ZDHHC21: variants seen among roughly 807,000 people sequenced by gnomAD.
ZDHHC21 encodes the protein palmitoyltransferase ZDHHC21.
A neutral mutation model predicts 34.6 loss-of-function variants in ZDHHC21; 15 were observed. The observed-to-expected ratio is 0.43, with a 90% CI of 0.29 to 0.67. ZDHHC21 has a LOEUF of 0.67. Ranked by LOEUF, ZDHHC21 falls within the 30% of genes least tolerant of loss-of-function variation. The pLI is 0.14. For synonymous variants in ZDHHC21, 142 were observed against 101.8 expected (o/e 1.40, Z -2.38); for missense variants, 344 against 327.7 (o/e 1.05, Z -0.38).
intron 7 of ZDHHC21, among the ~76,000 whole-genome samples, chr9:14,643,233 G>A (rs375934954): frequency 7.2e-5 from 11 of 152,104 alleles, no homozygotes; most frequent in Admixed American, 4.6e-4. Flanking sequence ...GGGCAACAGA[G>A]TGAGACTCTG....
chr9:14,681,119 A>C (rs1232246263), intron 2 of ZDHHC21, among the ~76,000 whole-genome samples: 1 of 152,244 alleles, frequency 6.6e-6, no homozygotes, highest in Non-Finnish European at 1.5e-5. Flanking sequence ...AATAAATTTT[A>C]TAACATTACT....
At chr9:14,604,746 A>G in the ZDHHC21 span, among the ~76,000 whole-genome samples, 9 of 152,158 alleles carry the variant, frequency 5.9e-5, no homozygotes, top group African/African-American at 1.9e-4. Context: ...AAATTTTTAA[A>G]TATACAGTAC....
intron 6 of ZDHHC21, among the ~76,000 whole-genome samples, chr9:14,661,139 T>A (rs531644649): frequency 6.6e-6 from 1 of 152,202 alleles, no homozygotes; most frequent in Non-Finnish European, 1.5e-5. Context: ...TAGAAATTTT[T>A]AAAATTTTTA....
At chr9:14,646,361 A>G (rs1215362170) in intron 7 of ZDHHC21, among the ~76,000 whole-genome samples, 2 of 152,184 alleles carry the variant, frequency 1.3e-5, no homozygotes, top group African/African-American at 4.8e-5. Flanking sequence ...AAGGTACAAA[A>G]AGTTGTAACA....
intron 8 of ZDHHC21, among the ~76,000 whole-genome samples, chr9:14,636,674 A>G (rs943018812): frequency 3.3e-5 from 5 of 152,200 alleles, no homozygotes; most frequent in African/African-American, 1.2e-4. Context: ...AAGTCTCAAG[A>G]AACATGAAAA....
At chr9:14,656,883 C>G (rs1587197046) in intron 7 of ZDHHC21, among the ~76,000 whole-genome samples, 1 of 151,958 alleles carries the variant, frequency 6.6e-6, no homozygotes, top group East Asian at 1.9e-4. Flanking sequence ...TTAAAACCCA[C>G]TTTTTATACT....
At chr9:14,638,059 T>G (rs534868146) in intron 8 of ZDHHC21, among the ~76,000 whole-genome samples, 1 of 151,978 alleles carries the variant, frequency 6.6e-6, no homozygotes, top group East Asian at 1.9e-4. Flanking sequence ...AGGGCCCGAA[T>G]AGTCAAAAAA....
intron 8 of ZDHHC21, among the ~76,000 whole-genome samples, chr9:14,620,203 G>C (rs1044109209): frequency 6.6e-6 from 1 of 151,848 alleles, no homozygotes; most frequent in South Asian, 2.1e-4. Context: ...AAACTGACCA[G>C]AGTTCTTTCT....
chr9:14,644,642 A>T (rs1019366774), intron 7 of ZDHHC21, among the ~76,000 whole-genome samples: 1 of 152,026 alleles, frequency 6.6e-6, no homozygotes, highest in African/African-American at 2.4e-5. Flanking sequence ...GAGATGCTCT[A>T]TTTGAATTTT....
chr9:14,599,310 G>A, the ZDHHC21 span, among the ~76,000 whole-genome samples: 3 of 152,158 alleles, frequency 2.0e-5, no homozygotes, highest in Non-Finnish European at 4.4e-5. Context: ...GCCAAAGCAG[G>A]GTGGGGCATT....
chr9:14,602,402 C>T, the ZDHHC21 span, among the ~76,000 whole-genome samples: 72 of 151,898 alleles, frequency 4.7e-4, no homozygotes, highest in African/African-American at 1.5e-3. Flanking sequence ...GCCAAAGGCA[C>T]AGAAAACTTA....
intron 6 of ZDHHC21, among the ~76,000 whole-genome samples, chr9:14,659,135 G>C (rs928941582): frequency 6.6e-6 from 1 of 152,100 alleles, no homozygotes; most frequent in Non-Finnish European, 1.5e-5. Flanking sequence ...AACTCAGCGA[G>C]ACAGGAAGAG....
chr9:14,638,496 G>T (rs940826410), intron 8 of ZDHHC21, among the ~76,000 whole-genome samples: 1 of 151,896 alleles, frequency 6.6e-6, no homozygotes, highest in Non-Finnish European at 1.5e-5. Context: ...AAAATTTTAT[G>T]GCTAAGACCT....
chr9:14,589,230 G>A, the ZDHHC21 span: 4 of 152,218 alleles, frequency 2.6e-5, no homozygotes, highest in South Asian at 8.3e-4. Flanking sequence ...GAAAAGGAGA[G>A]GCAACTGCAA....
At chr9:14,691,784 T>C (rs934855780) in intron 1 of ZDHHC21, among the ~76,000 whole-genome samples, 4 of 152,224 alleles carry the variant, frequency 2.6e-5, no homozygotes, top group African/African-American at 9.6e-5. Context: ...ACCAAAACAA[T>C]TATGGAATTA....
chr9:14,685,981 C>T (rs753666701), intron 2 of ZDHHC21, among the ~76,000 whole-genome samples: 1 of 151,720 alleles, frequency 6.6e-6, no homozygotes, highest in Non-Finnish European at 1.5e-5. Context: ...CACATGTTCT[C>T]ACTCATAGGT....
intron 8 of ZDHHC21, among the ~76,000 whole-genome samples, chr9:14,629,780 G>A (rs1205929333): frequency 2.0e-5 from 3 of 152,052 alleles, no homozygotes; most frequent in Non-Finnish European, 4.4e-5. Context: ...ATAAACCGGT[G>A]GCTCACACCT....
intron 3 of ZDHHC21, among the ~76,000 whole-genome samples, chr9:14,677,007 T>C (rs1836516230): frequency 6.6e-6 from 1 of 152,120 alleles, no homozygotes; most frequent in East Asian, 1.9e-4. Context: ...AGCAGAAAAG[T>C]ACATGAGCCA....
intron 5 of ZDHHC21, among the ~76,000 whole-genome samples, chr9:14,666,099 A>C (rs1365564262): frequency 5.4e-5 from 8 of 149,116 alleles, no homozygotes; most frequent in South Asian, 2.2e-4. Flanking sequence ...GTATTCAGGA[A>C]ACCCATCTCA....
Sources: gnomAD v4.1 joint callset for allele counts (sites outside exome capture counted in the v4.1 genomes callset) on GRCh38, gnomAD v4.1.1 for gene constraint, MANE v1.5 for transcripts, NCBI Gene and HGNC (gene_info 2026-07-23, HGNC 2026-07-21) for gene names.